PIGU: variants seen among roughly 807,000 people sequenced by gnomAD.
PIGU encodes GPI-anchor transamidase component PIGU.
A neutral mutation model predicts 49.9 loss-of-function variants in PIGU; 24 were observed. The ratio of observed to expected loss-of-function variants is 0.48; its 90% CI spans 0.35 to 0.68. PIGU has a LOEUF of 0.68. Among genes scored for constraint, PIGU ranks in the 30% least tolerant of loss-of-function variants. The pLI, the probability that PIGU is intolerant of heterozygous loss-of-function variation, is 0.01. For synonymous variants in PIGU, 220 were observed against 205.7 expected, an observed-to-expected ratio of 1.07 and a Z score of -0.59; for missense variants, 490 against 532.6, an observed-to-expected ratio of 0.92 and a Z score of 0.79.
intron 4 of PIGU, among the ~76,000 whole-genome samples, chr20:34,642,963 C>T (rs6087611): frequency 1.3e-5 from 2 of 151,786 alleles, no homozygotes; most frequent in Non-Finnish European, 2.9e-5. Context: ...CCTACCCAAC[C>T]TATTTCGGAG....
intron 11 of PIGU, among the ~76,000 whole-genome samples, chr20:34,570,610 T>G (rs1232430325): frequency 6.6e-6 from 1 of 152,178 alleles, no homozygotes; most frequent in Non-Finnish European, 1.5e-5. Context: ...AGACGGGGTT[T>G]CACCGTGTTA....
At chr20:34,671,551 C>T (rs950128633) in intron 1 of PIGU, among the ~76,000 whole-genome samples, 9 of 152,044 alleles carry the variant, frequency 5.9e-5, no homozygotes, top group African/African-American at 2.2e-4. Flanking sequence ...CGTTAGCCAC[C>T]GTGCCCAGCC....
At chr20:34,668,768 C>T (rs1009132429) in intron 1 of PIGU, among the ~76,000 whole-genome samples, 1 of 111,688 alleles carries the variant, frequency 9.0e-6, no homozygotes, top group African/African-American at 3.6e-5. Context: ...GACTCTGACT[C>T]AAAAAAATAA....
intron 7 of PIGU, among the ~76,000 whole-genome samples, chr20:34,596,620 G>T (rs946850361): frequency 1.1e-4 from 17 of 151,962 alleles, no homozygotes; most frequent in African/African-American, 4.1e-4. Flanking sequence ...TACATGGTTG[G>T]TTAAAAAAAT....
intron 10 of PIGU, among the ~76,000 whole-genome samples, chr20:34,580,207 C>T (rs924861817): frequency 1.4e-4 from 22 of 152,194 alleles, no homozygotes; most frequent in African/African-American, 4.8e-4. Flanking sequence ...GAGGCATGTC[C>T]ATGTTTTGGT....
intron 7 of PIGU, among the ~76,000 whole-genome samples, chr20:34,593,615 G>C (rs1401083076): frequency 6.6e-6 from 1 of 152,154 alleles, no homozygotes; most frequent in Non-Finnish European, 1.5e-5. Flanking sequence ...ATATCACTAT[G>C]ATAAAAATTG....
At chr20:34,565,926 T>G (rs1430747987) in intron 11 of PIGU, among the ~76,000 whole-genome samples, 1 of 148,912 alleles carries the variant, frequency 6.7e-6, no homozygotes, top group African/African-American at 2.5e-5. Flanking sequence ...CTCGCACTGC[T>G]CAGACACGCT....
intron 7 of PIGU, among the ~76,000 whole-genome samples, chr20:34,603,918 A>G (rs1984523042): frequency 7.4e-6 from 1 of 135,532 alleles, no homozygotes; most frequent in Non-Finnish European, 1.6e-5. Context: ...CAGGCAGGTA[A>G]CAAACAAGTG....
chr20:34,585,640 A>C lies in PIGU; in HGVS notation c.783-60T>G, dbSNP rs1251966922. 2.5e-6 allele frequency: 4 copies of C among 1,571,556 alleles called. No homozygotes were observed. In the African/African-American group the frequency reaches 5.4e-5, roughly 21 times the overall value. On this transcript the variant is annotated intron_variant, in intron 8 of 11. Coordinates refer to ENST00000217446, the MANE Select transcript of PIGU (RefSeq NM_080476.5). ...CAAAAGTTATAAATTGTCTGCTTTG[A>C]CCTTGATTTCTCCTGAAGACTTTGG...
chr20:34,641,744 C>G (rs1037076971), intron 4 of PIGU, among the ~76,000 whole-genome samples: 1 of 151,944 alleles, frequency 6.6e-6, no homozygotes, highest in African/African-American at 2.4e-5. Flanking sequence ...ACCCTTCTGA[C>G]AAAGGGAAGA....
chr20:34,646,978 C>T (rs1435572452), intron 2 of PIGU, among the ~76,000 whole-genome samples: 2 of 151,904 alleles, frequency 1.3e-5, no homozygotes, highest in Non-Finnish European at 2.9e-5. Flanking sequence ...GTGCCTGCCA[C>T]CACACCCAGC....
chr20:34,612,672 G>A (rs1056533686), intron 7 of PIGU, among the ~76,000 whole-genome samples: 1 of 148,142 alleles, frequency 6.8e-6, no homozygotes, highest in African/African-American at 2.5e-5. Context: ...CACCCAGGCT[G>A]GAATGCGGTG....
chr20:34,570,181 A>G (rs1215799317), intron 11 of PIGU, among the ~76,000 whole-genome samples: 1 of 152,244 alleles, frequency 6.6e-6, no homozygotes, highest in Non-Finnish European at 1.5e-5. Flanking sequence ...ATGAGCAAGG[A>G]AAGTTCACCC....
chr20:34,569,913 C>T (rs1982934625), intron 11 of PIGU, among the ~76,000 whole-genome samples: 1 of 152,200 alleles, frequency 6.6e-6, no homozygotes, highest in Non-Finnish European at 1.5e-5. Flanking sequence ...ATGTGACAAA[C>T]AAGACTGTGG....
rs59998699 is a variant in PIGU at position 34,650,700 on chromosome 20, C to CTTTTTTTTTTTT, written c.196-5378_196-5367dup. Among the ~76,000 whole-genome samples the CTTTTTTTTTTTT allele has an allele frequency of 3.6e-3, 140 of 38,796 alleles. 40 individuals are homozygous for CTTTTTTTTTTTT. The highest frequency in any genetic ancestry group is 4.8e-3 in the African/African-American group (41 of 8,610). The allele number at this position is 38,796 out of a possible 152,430, so 25.5% of individuals were successfully genotyped here. A position where few individuals can be genotyped will look rare whatever the true frequency, so the allele number is the denominator to read the frequency against. On this transcript the variant is annotated intron_variant, in intron 2 of 11. Transcript: ENST00000217446. ...AATTTTTTTCCTTTTCTTTTTTTCTCTTTTTTTTTTTTTTTTTTTTTTTTT... is the reference window on the plus strand; with the variant it reads ...AATTTTTTTCCTTTTCTTTTTTTCTCTTTTTTTTTTTTTTTTTTTTTTTTTTTTTTTTTTTTT...
chr20:34,570,595 A>G (rs1982967507), intron 11 of PIGU, among the ~76,000 whole-genome samples: 1 of 152,066 alleles, frequency 6.6e-6, no homozygotes, highest in Non-Finnish European at 1.5e-5. Context: ...TTGTATTTTT[A>G]GTAGAGACGG....
chr20:34,667,077 A>T (rs1156286428), intron 1 of PIGU, among the ~76,000 whole-genome samples: 1 of 151,920 alleles, frequency 6.6e-6, no homozygotes, highest in Non-Finnish European at 1.5e-5. Context: ...CCCGGCCTCA[A>T]GCGATCTACC....
intron 7 of PIGU, among the ~76,000 whole-genome samples, chr20:34,597,867 A>T (rs1363941766): frequency 6.6e-6 from 1 of 152,214 alleles, no homozygotes; most frequent in Non-Finnish European, 1.5e-5. Context: ...CAAGCCATAC[A>T]TATGTGGTAA....
intron 6 of PIGU, among the ~76,000 whole-genome samples, chr20:34,623,094 T>A (rs1181258488): frequency 6.6e-6 from 1 of 152,072 alleles, no homozygotes; most frequent in African/African-American, 2.4e-5. Context: ...CCATGGGGAC[T>A]GGTTCAGGAC....
Sources: allele counts gnomAD v4.1 joint callset (sites outside exome capture counted in the v4.1 genomes callset), GRCh38; gene constraint gnomAD v4.1.1; transcripts MANE v1.5; gene names NCBI Gene and HGNC (gene_info 2026-07-23, HGNC 2026-07-21).